Variants in BARX2 observed in about 807,000 individuals in gnomAD.
The protein encoded by BARX2 is homeobox protein BarH-like 2.
In BARX2, 11 loss-of-function variants were observed where a neutral mutation model predicts 25.5. The observed-to-expected ratio is 0.43, with a 90% CI of 0.27 to 0.71. The LOEUF (loss-of-function observed/expected upper bound fraction) is 0.71. Among genes scored for constraint, BARX2 ranks in the 30% least tolerant of loss-of-function variants. The pLI is 0.19. For synonymous variants in BARX2, 137 were observed against 149.5 expected (o/e 0.92, Z 0.61); for missense variants, 360 against 359.9 (o/e 1.00, Z 0.00).
At chr11:129,442,774 T>A in intron 2 of BARX2, 61 bp from the exon 3 acceptor site, 3 of 1,412,238 alleles carry the variant, frequency 2.1e-6, no homozygotes, top group Non-Finnish European at 3.0e-6. Context: ...GCCAGCAGGA[T>A]CCCATCTCTC....
At chr11:129,421,088 A>G (rs1861999326) in intron 1 of BARX2, among the ~76,000 whole-genome samples, 1 of 152,182 alleles carries the variant, frequency 6.6e-6, no homozygotes, top group South Asian at 2.1e-4. Context: ...GGGAAGAGAA[A>G]GGCCTTCTTG....
chr11:129,434,421 T>TAAAAAAAAAAAAAAAAA (rs56344103), intron 1 of BARX2, among the ~76,000 whole-genome samples: 5 of 76,376 alleles, frequency 6.5e-5, no homozygotes, highest in Admixed American at 3.7e-4. Flanking sequence ...AAAAAGTAAG[T>TAAAAAAAAAAAAAAAAA]AAAAAAAAAA....
chr11:129,377,485 C>G (rs1493541), intron 1 of BARX2, among the ~76,000 whole-genome samples: 1 of 152,252 alleles, frequency 6.6e-6, no homozygotes, highest in Non-Finnish European at 1.5e-5. Context: ...AGAATTAGGC[C>G]TGATGTCCCA....
Position 129,436,942 on chromosome 11 carries a change from A to G in BARX2, c.379A>G (p.Thr127Ala), listed in dbSNP as rs746670608. The change falls in exon 2 of 4, where the codon ACG becomes GCG. Residue 127 changes from threonine to alanine, a missense_variant. By Grantham distance (58) the Thr-to-Ala change is moderately conservative. Around this residue, in one of 3 missense-constraint regions of BARX2, gnomAD observed 240 missense variants for 228.7 expected, o/e 1.05. Coordinates refer to ENST00000281437, the MANE Select transcript of BARX2 (RefSeq NM_003658.5). The surrounding 1 kb of genome is among the most constrained non-coding windows in gnomAD (Gnocchi z 4.5). ...ASSESETEQP[T>A]PRQKKPRRSR... Reference sequence around the variant, plus strand: ...CAGCGAGTCAGAGACGGAACAGCCCACGCCCCGACAGAAGAAGCCCCGCCG... The same window carrying G: ...CAGCGAGTCAGAGACGGAACAGCCCGCGCCCCGACAGAAGAAGCCCCGCCG... 1.8e-5 allele frequency: 29 copies of G among 1,612,698 alleles called. No individual in the cohort carries two copies. Among genetic ancestry groups the G allele is most frequent in the Non-Finnish European group, 2.0e-5 (24 of 1,179,224 alleles).
At chr11:129,380,597 C>G (rs1861552726) in intron 1 of BARX2, among the ~76,000 whole-genome samples, 1 of 152,128 alleles carries the variant, frequency 6.6e-6, no homozygotes, top group Non-Finnish European at 1.5e-5. Flanking sequence ...TATCAACAAG[C>G]ATTTGTATTT....
rs368286323 is a variant in BARX2, at chr11:129,376,024, C to T, written c.-12C>T. On this transcript the variant is annotated 5_prime_UTR_variant, in exon 1 of 4. Transcript: ENST00000281437. The surrounding 1 kb of genome is among the most constrained non-coding windows in gnomAD (Gnocchi z 4.2). ...CCGCGCTCGGGCCGGCGGACGCTCG[C>T]GCCGGCTCACCATGCACTGCCACGC... is the stretch of plus-strand genomic sequence containing the variant. The T allele has an allele frequency of 5.4e-5, 81 of 1,488,796 alleles. No individual in the cohort carries two copies. The highest frequency in any genetic ancestry group is 8.7e-5 in the African/African-American group (6 of 69,042). 92.2% of individuals were successfully genotyped at this position (1,488,796 alleles called of 1,614,324 possible).
At chr11:129,384,900 A>G (rs1183650692) in intron 1 of BARX2, among the ~76,000 whole-genome samples, 1 of 152,194 alleles carries the variant, frequency 6.6e-6, no homozygotes, top group African/African-American at 2.4e-5. Context: ...TAGGTTTATC[A>G]TCTCCTTTGG....
At position 129,451,583 on chromosome 11, in the gene BARX2, C is replaced by T. The variant is rs2135419965; in HGVS notation, c.*181C>T. The T allele has an allele frequency of 1.3e-6, 1 of 746,132 alleles. No homozygotes were observed. Among genetic ancestry groups the T allele is most frequent in the East Asian group, 2.7e-5 (1 of 36,454 alleles). 46.2% of individuals were successfully genotyped at this position (746,132 alleles called of 1,614,324 possible). On this transcript the variant is annotated 3_prime_UTR_variant, in exon 4 of 4. Transcript: ENST00000281437. The stretch of plus-strand genomic sequence containing the variant: ...ATCGCAAGCATTTGACAAAGACTTG[C>T]TTGTCTTGGGCCTGTCACCTCCTGA...
chr11:129,403,159 C>T (rs896122340), intron 1 of BARX2, among the ~76,000 whole-genome samples: 3 of 152,242 alleles, frequency 2.0e-5, no homozygotes, highest in African/African-American at 7.2e-5. Context: ...TGGGTTTTTC[C>T]AGCCCCTTTG....
At chr11:129,423,360 C>G (rs980728697) in intron 1 of BARX2, among the ~76,000 whole-genome samples, 8 of 151,056 alleles carry the variant, frequency 5.3e-5, no homozygotes, top group African/African-American at 1.9e-4. Context: ...CTTGATCCAC[C>G]CACCTTGGCC....
intron 1 of BARX2, among the ~76,000 whole-genome samples, chr11:129,416,674 C>G (rs1861946413): frequency 6.6e-6 from 1 of 151,996 alleles, no homozygotes; most frequent in African/African-American, 2.4e-5. Flanking sequence ...TGAGTTGTCA[C>G]CTTTAGTTTA....
chr11:129,398,176 T>TA (rs1380887387), intron 1 of BARX2, among the ~76,000 whole-genome samples: 4 of 152,230 alleles, frequency 2.6e-5, no homozygotes, highest in Non-Finnish European at 5.9e-5. Context: ...TTTCTGTAGT[T>TA]ACGTGGTTTT....
rs182832434 is a variant in BARX2, at chr11:129,414,234, A to T, written c.188-22517A>T. ...AAAGGCAAATTGTGATTTTTTTCTG[A>T]CACGGTTTAAGTTCTGTCTACATTA... is the stretch of plus-strand genomic sequence containing the variant. On this transcript the variant is annotated intron_variant, in intron 1 of 3. Coordinates refer to ENST00000281437, the MANE Select transcript of BARX2 (RefSeq NM_003658.5). 5.9e-5 allele frequency among the ~76,000 whole-genome samples: 9 copies of T among 152,138 alleles called. No homozygotes were observed. The East Asian group carries it at 1.2e-3, about 20-fold the overall frequency.
intron 1 of BARX2, among the ~76,000 whole-genome samples, chr11:129,380,941 T>G (rs564804679): frequency 5.3e-4 from 81 of 152,064 alleles, no homozygotes; most frequent in Non-Finnish European, 9.0e-4. Context: ...CACACCCAGC[T>G]AATTTTTGTA....
chr11:129,445,605 G>A (rs1358689881), intron 3 of BARX2, among the ~76,000 whole-genome samples: 1 of 152,194 alleles, frequency 6.6e-6, no homozygotes, highest in Non-Finnish European at 1.5e-5. Flanking sequence ...AGAGGCCCAA[G>A]CTGTCAGTTC....
chr11:129,436,732 C>G lies in BARX2; in HGVS notation c.188-19C>G, dbSNP rs1378238562. Reference sequence around the variant, plus strand: ...CACACCGTTCCCTGTGGTGACCTGCCTCCCTGCTTGTTTTCCAGGCTCCCC... The same window carrying G: ...CACACCGTTCCCTGTGGTGACCTGCGTCCCTGCTTGTTTTCCAGGCTCCCC... On this transcript the variant is annotated intron_variant, in intron 1 of 3. Coordinates refer to ENST00000281437, the MANE Select transcript of BARX2 (RefSeq NM_003658.5). The surrounding 1 kb of genome is among the most constrained non-coding windows in gnomAD (Gnocchi z 4.5). 1 of 1,544,574 alleles carries G rather than the reference C, an allele frequency of 6.5e-7. No homozygotes were observed. The highest frequency in any genetic ancestry group is 2.3e-5 in the East Asian group (1 of 43,978).
chr11:129,395,479 T>C (rs939156239), intron 1 of BARX2, among the ~76,000 whole-genome samples: 1 of 152,208 alleles, frequency 6.6e-6, no homozygotes, highest in Non-Finnish European at 1.5e-5. Flanking sequence ...TGAGGTCGTT[T>C]GGATTAGATT....
intron 1 of BARX2, among the ~76,000 whole-genome samples, chr11:129,407,151 G>A (rs1225596149): frequency 1.3e-5 from 2 of 152,206 alleles, no homozygotes; most frequent in African/African-American, 4.8e-5. Flanking sequence ...TTCACCCACA[G>A]AGCCTCAGAG....
At chr11:129,406,186 A>G (rs1439747291) in intron 1 of BARX2, among the ~76,000 whole-genome samples, 1 of 152,248 alleles carries the variant, frequency 6.6e-6, no homozygotes, top group African/African-American at 2.4e-5. Flanking sequence ...CCTTGTGCCC[A>G]TTGTTTTAAA....
Sources: gnomAD v4.1 joint callset for allele counts (sites outside exome capture counted in the v4.1 genomes callset) on GRCh38, gnomAD v4.1.1 for gene constraint, gnomAD v4.1.1 regional missense constraint, Gnocchi (gnomAD v3.1) non-coding constraint, MANE v1.5 for transcripts, NCBI Gene and HGNC (gene_info 2026-07-23, HGNC 2026-07-21) for gene names.